Variants in SRRM2 observed in about 807,000 individuals in gnomAD.
SRRM2 encodes serine/arginine repetitive matrix protein 2.
Under a neutral mutation model 213.8 loss-of-function variants are expected in SRRM2, and 30 were observed. The observed-to-expected ratio is 0.14, with a 90% CI of 0.10 to 0.19. The LOEUF is 0.19. Ranked by LOEUF, SRRM2 falls within the 10% of genes least tolerant of loss-of-function variation. The pLI, the probability that SRRM2 is intolerant of heterozygous loss-of-function variation, is 1.00. For missense variants in SRRM2, 4,904 were observed against 3,647.0 expected (o/e 1.34, Z -8.88); for synonymous variants, 2,025 against 1,377.7 (o/e 1.47, Z -10.40).
Position 2,761,950 on chromosome 16 carries a change from T to A in SRRM2, c.1422T>A (p.Ser474=). The A allele has an allele frequency of 3.1e-6, 5 of 1,613,744 alleles. No homozygotes were observed. ...GAGCAAAACGGGATAAATCACATTC[T>A]CATACCCCCTCCCGTAGGATGGGGA... ...HGRAKRDKSH[S]HTPSRRMGRS... The change falls in exon 11 of 15, where the codon TCT becomes TCA. Residue 474 remains serine (S), a synonymous_variant. Transcript: ENST00000301740.
At position 2,763,391 on chromosome 16, in the gene SRRM2, C is replaced by T. The variant is rs1354278384; in HGVS notation, c.2863C>T (p.Pro955Ser). The change falls in exon 11 of 15, where the codon CCC (proline) becomes TCC (serine). Residue 955 changes from proline to serine, a missense_variant. Pro to Ser is a moderately conservative substitution (Grantham distance 74). Coordinates refer to ENST00000301740, the MANE Select transcript of SRRM2 (RefSeq NM_016333.4). ...TTPRRSRSVS[P>S]CSNVESRLLP... ...TCCACGGCGAAGCAGATCAGTATCT[C>T]CCTGCTCCAATGTGGAATCCAGATT... 9.9e-6 allele frequency: 16 copies of T among 1,614,114 alleles called. No homozygotes were observed. Among genetic ancestry groups the T allele is most frequent in the African/African-American group, 5.3e-5 (4 of 74,940 alleles).
rs754198311 is a variant in SRRM2, at chr16:2,765,732, C to T, written c.5204C>T (p.Pro1735Leu). ...RRSPSVSSPE[P>L]AEKSRSSRRR... ...AGTCCCTCAGTGTCTTCCCCGGAGCCAGCCGAAAAATCGAGGTCTTCACGC... is the reference window on the plus strand; with the variant it reads ...AGTCCCTCAGTGTCTTCCCCGGAGCTAGCCGAAAAATCGAGGTCTTCACGC... Residue 1735 changes from proline to leucine, a missense_variant, in exon 11 of 15, where the codon CCA becomes CTA. Pro to Leu is a moderately conservative substitution (Grantham distance 98). Coordinates refer to ENST00000301740, the MANE Select transcript of SRRM2 (RefSeq NM_016333.4). 26 of 1,614,042 alleles carry T rather than the reference C, an allele frequency of 1.6e-5. No homozygotes were observed. Among genetic ancestry groups the T allele is most frequent in the Non-Finnish European group, 1.3e-5 (15 of 1,180,038 alleles).
chr16:2,766,998 T>C lies in SRRM2; in HGVS notation c.6470T>C (p.Met2157Thr), dbSNP rs2068569498. The C allele has an allele frequency of 6.2e-7, 1 of 1,614,106 alleles. No individual in the cohort carries two copies. Among genetic ancestry groups the C allele is most frequent in the African/African-American group, 1.3e-5 (1 of 74,992 alleles). ...SVLQQAGGSM[M>T]DGPGPRIPDH... ...CTGCAGCAAGCCGGCGGCTCCATGA[T>C]GGATGGTCCAGGTCCCCGAATACCT... The change falls in exon 11 of 15, where the codon ATG (methionine) becomes ACG (threonine). Residue 2157 changes from methionine (M) to threonine (T), a missense_variant. Physicochemically the swap from Met to Thr is moderately conservative, Grantham distance 81. Transcript: ENST00000301740. This position sits in a 1 kb window ranked among gnomAD's most constrained non-coding sequence, Gnocchi z 7.0.
At chr16:2,755,145 A>G (rs1437387164) in intron 1 of SRRM2, among the ~76,000 whole-genome samples, 1 of 152,210 alleles carries the variant, frequency 6.6e-6, no homozygotes, top group South Asian at 2.1e-4. Context: ...GAGGGTGAGA[A>G]AGAGAGTATA....
Position 2,761,790 on chromosome 16 carries a change from G to A in SRRM2, c.1262G>A (p.Ser421Asn), listed in dbSNP as rs756573169. The A allele has an allele frequency of 1.2e-6, 2 of 1,613,912 alleles. No individual in the cohort carries two copies. The highest frequency in any genetic ancestry group is 1.7e-6 in the Non-Finnish European group (2 of 1,179,968). The change falls in exon 11 of 15, where the codon AGC becomes AAC. Residue 421 changes from serine (S) to asparagine (N), a missense_variant. Transcript: ENST00000301740. ...KLPQSSSSES[S>N]PPSPQPTKVS... ...CCCCAGTCTTCTTCCTCAGAGAGCAGCCCACCATCCCCTCAACCTACCAAA... is the reference window on the plus strand; with the variant it reads ...CCCCAGTCTTCTTCCTCAGAGAGCAACCCACCATCCCCTCAACCTACCAAA...
Position 2,765,883 on chromosome 16 carries a change from C to T in SRRM2, c.5355C>T (p.Thr1785=), listed in dbSNP as rs1470475562. The change falls in exon 11 of 15, where the codon ACC becomes ACT. Residue 1785 remains threonine, a synonymous_variant. Coordinates refer to ENST00000301740, the MANE Select transcript of SRRM2 (RefSeq NM_016333.4). ...SRSRREKTRT[T]RRRDRSGSSQ... ...CAAGGAGAGAGAAAACAAGAACAACCCGACGTCGAGATAGGTCTGGATCTT... is the reference window on the plus strand; with the variant it reads ...CAAGGAGAGAGAAAACAAGAACAACTCGACGTCGAGATAGGTCTGGATCTT... 4 of 1,614,132 alleles carry T rather than the reference C, an allele frequency of 2.5e-6. No individual in the cohort carries two copies. The Admixed American group carries it at 5.0e-5, about 20-fold the overall frequency.
In SRRM2 at chr16:2,763,638, C is replaced by G. The variant is rs147008176; in HGVS notation, c.3110C>G (p.Ala1037Gly). The G allele has an allele frequency of 1.7e-5, 28 of 1,614,162 alleles. No homozygotes were observed. In the Middle Eastern group the frequency reaches 4.9e-4, roughly 29 times the overall value. The change falls in exon 11 of 15, where the codon GCA (alanine) becomes GGA (glycine). Residue 1037 changes from alanine (A) to glycine (G), a missense_variant. By Grantham distance (60) the Ala-to-Gly change is moderately conservative (BLOSUM62 0). Transcript: ENST00000301740. Reference protein sequence around the residue: ...QSCPGSLSLCAGVKSSTPPGE... With the variant: ...QSCPGSLSLCGGVKSSTPPGE... The stretch of plus-strand genomic sequence containing the variant: ...TGCCCTGGATCCCTCTCTCTCTGTG[C>G]AGGAGTAAAATCTAGCACACCACCA...
chr16:2,763,309 A>G lies in SRRM2; in HGVS notation c.2781A>G (p.Gln927=), dbSNP rs903713988. 6.2e-7 allele frequency: 1 copy of G among 1,613,878 alleles called. No homozygotes were observed. Among genetic ancestry groups the G allele is most frequent in the African/African-American group, 1.3e-5 (1 of 74,888 alleles). The stretch of plus-strand genomic sequence containing the variant: ...TGAAGGCAATAATATCACCAAGACA[A>G]AGAAGCCATTCTGGCTCCTCTTCTC... ...PKVKAIISPR[Q]RSHSGSSSPS... is the part of the protein sequence containing the mutation. Residue 927 remains glutamine, a synonymous_variant, in exon 11 of 15, where the codon CAA becomes CAG. Transcript: ENST00000301740.
intron 1 of SRRM2, among the ~76,000 whole-genome samples, chr16:2,753,824 C>G (rs1284541381): frequency 1.3e-5 from 2 of 152,216 alleles, no homozygotes; most frequent in South Asian, 4.1e-4. Flanking sequence ...TGTGTCCACT[C>G]AGCCGCTCTG....
Position 2,763,079 on chromosome 16 carries a change from A to G in SRRM2, c.2551A>G (p.Arg851Gly). Reference sequence around the variant, plus strand: ...TAAAGTGAAATCTGGAACACCACCGAGGCAAGGGTCCATAACAAGTCCCCA... The same window carrying G: ...TAAAGTGAAATCTGGAACACCACCGGGGCAAGGGTCCATAACAAGTCCCCA... The part of the protein sequence containing the change: ...HPKVKSGTPP[R>G]QGSITSPQAN... Residue 851 changes from arginine (R) to glycine (G), a missense_variant, in exon 11 of 15, where the codon AGG (arginine) becomes GGG (glycine). Transcript: ENST00000301740. The G allele has an allele frequency of 1.2e-6, 2 of 1,614,180 alleles. No individual in the cohort carries two copies. The highest frequency in any genetic ancestry group is 8.5e-7 in the Non-Finnish European group (1 of 1,180,030).
rs147340827 is a variant in SRRM2 at position 2,763,258 on chromosome 16, T to C, written c.2730T>C (p.Ser910=). ...GCACACCTCCCAGACAGAGCCCATC[T>C]AGGTCATCATCTCCACAACCCAAAG... ...KSSTPPRQSP[S]RSSSPQPKVK... is the part of the protein sequence containing the mutation. Residue 910 remains serine (S), a synonymous_variant, in exon 11 of 15, where the codon TCT becomes TCC. Coordinates refer to ENST00000301740, the MANE Select transcript of SRRM2 (RefSeq NM_016333.4). 4 of 1,614,120 alleles carry C rather than the reference T, an allele frequency of 2.5e-6. 1 individual carries two copies. In the African/African-American group the frequency reaches 5.3e-5, roughly 22 times the overall value.
rs779722863 is a variant in SRRM2 at position 2,764,729 on chromosome 16, A to C, written c.4201A>C (p.Ser1401Arg). Residue 1401 changes from serine (S) to arginine (R), a missense_variant, in exon 11 of 15, where the codon AGC becomes CGC. Physicochemically the swap from Ser to Arg is moderately radical, Grantham distance 110. Coordinates refer to ENST00000301740, the MANE Select transcript of SRRM2 (RefSeq NM_016333.4). ...VEKAGMSSNQ[S>R]ISSPVLDAVP... ...AAAGGCAGGGATGTCTTCAAATCAGAGCATCTCTTCACCTGTGCTTGATGC... is the reference window on the plus strand; with the variant it reads ...AAAGGCAGGGATGTCTTCAAATCAGCGCATCTCTTCACCTGTGCTTGATGC... 9 of 1,614,184 alleles carry C rather than the reference A, an allele frequency of 5.6e-6. No individual in the cohort carries two copies. The highest frequency in any genetic ancestry group is 6.8e-6 in the Non-Finnish European group (8 of 1,180,044).
chr16:2,762,680 C>T lies in SRRM2; in HGVS notation c.2152C>T (p.Pro718Ser), dbSNP rs1567229886. Residue 718 changes from proline to serine, a missense_variant, in exon 11 of 15, where the codon CCT (proline) becomes TCT (serine). Pro to Ser is a moderately conservative substitution (Grantham distance 74). Coordinates refer to ENST00000301740, the MANE Select transcript of SRRM2 (RefSeq NM_016333.4). ...VRRGRSHSRT[P>S]QRRGRSGSSS... is the part of the protein sequence containing the mutation. ...ACGTGGAAGATCTCACTCTAGAACA[C>T]CTCAAAGAAGAGGCAGATCTGGCTC... 2.5e-6 allele frequency: 4 copies of T among 1,614,162 alleles called. No homozygotes were observed. In the East Asian group the frequency reaches 6.7e-5, roughly 27 times the overall value.
Position 2,768,152 on chromosome 16 carries a change from T to A in SRRM2, c.7624T>A (p.Ser2542Thr), listed in dbSNP as rs780671261. The A allele has an allele frequency of 1.9e-6, 3 of 1,612,898 alleles. No homozygotes were observed. The highest frequency in any genetic ancestry group is 1.1e-5 in the South Asian group (1 of 91,036). The change falls in exon 11 of 15, where the codon TCC becomes ACC. Residue 2542 changes from serine (S) to threonine (T), a missense_variant. Transcript: ENST00000301740. Reference sequence around the variant, plus strand: ...CTCCTCGTCGTCGTCGTCCTCTAGCTCCTCCTCTTCTTCATCATCGTCGTC... The same window carrying A: ...CTCCTCGTCGTCGTCGTCCTCTAGCACCTCCTCTTCTTCATCATCGTCGTC... ...SSSSSSSSSS[S>T]SSSSSSSSSS... is the part of the protein sequence containing the mutation.
At position 2,770,394 on chromosome 16, in the gene SRRM2, T is replaced by C. The variant is rs201043562; in HGVS notation, c.8064T>C (p.Ser2688=). The C allele has an allele frequency of 3.4e-5, 54 of 1,609,392 alleles. No individual in the cohort carries two copies. The highest frequency in any genetic ancestry group is 2.8e-4 in the African/African-American group (21 of 74,932). ...PRKPIDSLRD[S]RSLSYSPVER... The stretch of plus-strand genomic sequence containing the variant: ...AGCCAATAGACTCCCTCAGGGACTC[T>C]CGGTCCCTCAGCTACTCGCCTGTGG... The change falls in exon 13 of 15, where the codon TCT becomes TCC. Residue 2688 remains serine (S), a synonymous_variant. Transcript: ENST00000301740.
chr16:2,760,584 A>C, intron 10 of SRRM2, 85 bp downstream of exon 10: 2 of 1,439,038 alleles, frequency 1.4e-6, no homozygotes, highest in Non-Finnish European at 1.9e-6. Context: ...AGAGGTAATA[A>C]CTTATTAAAA....
intron 12 of SRRM2, chr16:2,769,731 T>C (rs1330746758): frequency 2.1e-6 from 1 of 470,492 alleles, no homozygotes; most frequent in Admixed American, 2.3e-5. Context: ...CCACAAATCC[T>C]TCGGGACGCC....
Position 2,756,577 on chromosome 16 carries a change from C to A in SRRM2, c.213C>A (p.Leu71=). 5 of 1,613,542 alleles carry A rather than the reference C, an allele frequency of 3.1e-6. No individual in the cohort carries two copies. The South Asian group carries it at 4.4e-5, about 14-fold the overall frequency. Residue 71 remains leucine (L), a synonymous_variant, in exon 2 of 15, where the codon CTC becomes CTA. Transcript: ENST00000301740. ...AGCGGCGCGTCGAGCTGCGATGCCT[C>A]GAGCTGGAGGAGATGATGGAAGAGC... ...ERKRRVELRC[L]ELEEMMEEQG...
chr16:2,753,286 C>G (rs887676860), intron 1 of SRRM2, among the ~76,000 whole-genome samples: 12 of 152,216 alleles, frequency 7.9e-5, no homozygotes, highest in African/African-American at 2.9e-4. Flanking sequence ...TTCTCTTCGG[C>G]GTTGGGCTGC....
Sources: allele counts gnomAD v4.1 joint callset (sites outside exome capture counted in the v4.1 genomes callset), GRCh38; gene constraint gnomAD v4.1.1; non-coding constraint Gnocchi (gnomAD v3.1); transcripts MANE v1.5; gene names NCBI Gene and HGNC (gene_info 2026-07-23, HGNC 2026-07-21).